Variants in MSI2 observed in about 807,000 individuals in gnomAD.
MSI2 encodes the protein RNA-binding protein Musashi homolog 2.
MSI2 carries 17 observed loss-of-function variants against 45.6 expected under a neutral mutation model. The ratio of observed to expected loss-of-function variants is 0.37; its 90% CI spans 0.26 to 0.56. The LOEUF (loss-of-function observed/expected upper bound fraction) is 0.56. MSI2 is among the 20% of genes least tolerant of loss of function. The probability of loss-of-function intolerance (pLI) is 0.77; values close to 1 mark genes in which losing one functional copy is unlikely to be tolerated. For missense variants in MSI2, 293 were observed against 444.2 expected (o/e 0.66, Z 3.06); for synonymous variants, 156 against 158.2 (o/e 0.99, Z 0.11).
chr17:57,429,158 G>A (rs1263316929), intron 6 of MSI2, among the ~76,000 whole-genome samples: 1 of 152,066 alleles, frequency 6.6e-6, no homozygotes, highest in Non-Finnish European at 1.5e-5. Flanking sequence ...CTCCCTTCAT[G>A]TGGGGAGGGC....
intron 6 of MSI2, among the ~76,000 whole-genome samples, chr17:57,455,267 T>C (rs1208521275): frequency 6.6e-6 from 1 of 152,208 alleles, no homozygotes; most frequent in African/African-American, 2.4e-5. Flanking sequence ...GGTCAGCCTC[T>C]GAATAATGCA....
intron 5 of MSI2, among the ~76,000 whole-genome samples, chr17:57,332,302 T>A (rs1914340100): frequency 6.6e-6 from 1 of 152,124 alleles, no homozygotes; most frequent in South Asian, 2.1e-4. Context: ...GGTTTCTCCA[T>A]GTTAGCCAGG....
intron 7 of MSI2, among the ~76,000 whole-genome samples, chr17:57,575,147 T>TCCCCCCCCCCCCCACC (rs371180511): frequency 8.4e-6 from 1 of 119,544 alleles, no homozygotes; most frequent in African/African-American, 3.6e-5. Context: ...CTTTTTTAAC[T>TCCCCCCCCCCCCCACC]CCCTCCCCCC....
chr17:57,594,425 A>G (rs1328863949), intron 7 of MSI2, among the ~76,000 whole-genome samples: 1 of 152,200 alleles, frequency 6.6e-6, no homozygotes, highest in Non-Finnish European at 1.5e-5. Context: ...GGCTCCTCCC[A>G]ACCCAGGATT....
At chr17:57,399,999 A>G (rs190034823) in intron 5 of MSI2, among the ~76,000 whole-genome samples, 1 of 152,308 alleles carries the variant, frequency 6.6e-6, no homozygotes, top group Admixed American at 6.5e-5. Context: ...CCGGGCAGCC[A>G]TGGCTCCTAT....
intron 6 of MSI2, among the ~76,000 whole-genome samples, chr17:57,435,721 C>T (rs1417252912): frequency 6.6e-6 from 1 of 152,340 alleles, no homozygotes; most frequent in South Asian, 2.1e-4. Flanking sequence ...GCTATGCTGT[C>T]TCACGTAAGT....
chr17:57,544,467 A>G (rs945216165), intron 7 of MSI2, among the ~76,000 whole-genome samples: 5 of 152,102 alleles, frequency 3.3e-5, no homozygotes, highest in Non-Finnish European at 7.4e-5. Context: ...GTTCTTTCAA[A>G]ATGCACGGGG....
intron 6 of MSI2, among the ~76,000 whole-genome samples, chr17:57,468,558 T>C (rs2085374734): frequency 6.6e-6 from 1 of 150,560 alleles, no homozygotes; most frequent in African/African-American, 2.4e-5. Flanking sequence ...GCTGGCACAT[T>C]GTACTCAAAC....
intron 9 of MSI2, 69 bp downstream of exon 9, chr17:57,616,153 G>A (rs902689173): frequency 8.2e-7 from 1 of 1,216,502 alleles, no homozygotes; most frequent in Non-Finnish European, 1.2e-6. Flanking sequence ...TCCCAACTGG[G>A]TCACCTACCA....
Position 57,683,695 on chromosome 17 carries a change from A to G in MSI2, c.*4178A>G, listed in dbSNP as rs1314136465. On this transcript the variant is annotated 3_prime_UTR_variant, in exon 14 of 14. Coordinates refer to ENST00000284073, the MANE Select transcript of MSI2 (RefSeq NM_138962.4). This position sits in a 1 kb window ranked among gnomAD's most constrained non-coding sequence, Gnocchi z 5.2. ...GGGAGATTTTTTTTTTTTTTTCTTG[A>G]ATGTGCTTCGCAAGCCAGGCTATCT... The G allele has an allele frequency of 1.8e-5, 4 of 220,694 alleles. No homozygotes were observed. Among genetic ancestry groups the G allele is most frequent in the Admixed American group, 1.2e-4 (2 of 16,782 alleles). The allele number at this position is 220,694 out of a possible 1,614,324, so 13.7% of individuals were successfully genotyped here.
At chr17:57,670,685 C>T (rs1267950303) in intron 11 of MSI2, among the ~76,000 whole-genome samples, 2 of 152,170 alleles carry the variant, frequency 1.3e-5, no homozygotes, top group African/African-American at 4.8e-5. Flanking sequence ...TGATTAAATG[C>T]ACCAAATGGA....
chr17:57,306,876 C>T (rs1911965069), intron 5 of MSI2, among the ~76,000 whole-genome samples: 1 of 152,168 alleles, frequency 6.6e-6, no homozygotes, highest in South Asian at 2.1e-4. Flanking sequence ...TGTCTGCCCT[C>T]ATGAAAATGT....
At chr17:57,456,153 C>T (rs542352718) in intron 6 of MSI2, among the ~76,000 whole-genome samples, 229 of 152,282 alleles carry the variant, frequency 1.5e-3, no homozygotes, top group Middle Eastern at 3.4e-3. Context: ...ACGATCTTTC[C>T]GAACTTTCCT....
At chr17:57,433,509 C>A (rs946375005) in intron 6 of MSI2, among the ~76,000 whole-genome samples, 3 of 152,190 alleles carry the variant, frequency 2.0e-5, no homozygotes, top group African/African-American at 7.2e-5. Flanking sequence ...CTCCCCAGAG[C>A]TTTAGAAGGA....
intron 6 of MSI2, among the ~76,000 whole-genome samples, chr17:57,519,293 G>A (rs1296889218): frequency 2.0e-5 from 3 of 152,204 alleles, no homozygotes; most frequent in Non-Finnish European, 4.4e-5. Flanking sequence ...GGATTGCCAG[G>A]ATGGGGCAGT....
chr17:57,506,537 G>A (rs547968785), intron 6 of MSI2, among the ~76,000 whole-genome samples: 10 of 152,186 alleles, frequency 6.6e-5, no homozygotes, highest in African/African-American at 2.4e-4. Flanking sequence ...ATGTTCCCTG[G>A]GAACGTTCGC....
At chr17:57,417,444 C>A (rs1470574275) in intron 6 of MSI2, among the ~76,000 whole-genome samples, 1 of 152,128 alleles carries the variant, frequency 6.6e-6, no homozygotes, top group African/African-American at 2.4e-5. Context: ...CATCTGGATG[C>A]CTGCATTCAC....
At chr17:57,512,292 G>T (rs2086373107) in intron 6 of MSI2, among the ~76,000 whole-genome samples, 1 of 152,128 alleles carries the variant, frequency 6.6e-6, no homozygotes, top group African/African-American at 2.4e-5. Flanking sequence ...TGAATGAATG[G>T]ATTCTAAAGG....
chr17:57,559,299 G>A (rs1279018990), intron 7 of MSI2, among the ~76,000 whole-genome samples: 1 of 152,212 alleles, frequency 6.6e-6, no homozygotes, highest in East Asian at 1.9e-4. Context: ...AAGGATGGGA[G>A]TAAAAAGAGG....
Sources: gnomAD v4.1 joint callset for allele counts (sites outside exome capture counted in the v4.1 genomes callset) on GRCh38, gnomAD v4.1.1 for gene constraint, Gnocchi (gnomAD v3.1) non-coding constraint, MANE v1.5 for transcripts, NCBI Gene and HGNC (gene_info 2026-07-23, HGNC 2026-07-21) for gene names.